Variants in GALNTL6 observed in about 807,000 individuals in gnomAD.
GALNTL6 encodes polypeptide N-acetylgalactosaminyltransferase-like 6.
GALNTL6 carries 46 observed loss-of-function variants against 73.7 expected under a neutral mutation model. The observed-to-expected ratio is 0.62, with a 90% CI of 0.49 to 0.80. The LOEUF (loss-of-function observed/expected upper bound fraction) is 0.80. Among genes scored for constraint, GALNTL6 ranks in the 30% least tolerant of loss-of-function variants. The probability of loss-of-function intolerance (pLI) is 0.00; values close to 1 mark genes in which losing one functional copy is unlikely to be tolerated. For synonymous variants in GALNTL6, 259 were observed against 263.7 expected (o/e 0.98, Z 0.17); for missense variants, 604 against 755.0 (o/e 0.80, Z 2.34).
chr4:172,003,533 C>G (rs887506153), intron 2 of GALNTL6, among the ~76,000 whole-genome samples: 9 of 152,102 alleles, frequency 5.9e-5, no homozygotes, highest in Non-Finnish European at 1.0e-4. Flanking sequence ...TTAATATTCT[C>G]TAAGCTTTAG....
intron 3 of GALNTL6, among the ~76,000 whole-genome samples, chr4:172,243,970 C>G (rs1737538658): frequency 6.6e-6 from 1 of 151,916 alleles, no homozygotes; most frequent in Admixed American, 6.6e-5. Context: ...AGCCTCATGT[C>G]TCTTAAAAAT....
intron 2 of GALNTL6, among the ~76,000 whole-genome samples, chr4:171,974,934 C>G (rs997213953): frequency 6.6e-6 from 1 of 152,142 alleles, no homozygotes; most frequent in Non-Finnish European, 1.5e-5. Flanking sequence ...CACTAATAGT[C>G]TCTCACGGCA....
chr4:171,958,350 C>A (rs1159544442), intron 2 of GALNTL6, among the ~76,000 whole-genome samples: 1 of 152,096 alleles, frequency 6.6e-6, no homozygotes, highest in Non-Finnish European at 1.5e-5. Flanking sequence ...TATATTAAAA[C>A]TATGGAAGAT....
chr4:172,244,219 T>G (rs1452471732), intron 3 of GALNTL6, among the ~76,000 whole-genome samples: 1 of 152,068 alleles, frequency 6.6e-6, no homozygotes, highest in Non-Finnish European at 1.5e-5. Flanking sequence ...AAATGTAAAA[T>G]GGAAATGAAA....
At chr4:171,951,852 T>C (rs1376600156) in intron 2 of GALNTL6, among the ~76,000 whole-genome samples, 1 of 152,064 alleles carries the variant, frequency 6.6e-6, no homozygotes, top group East Asian at 1.9e-4. Context: ...GGGATAAAGC[T>C]ATAGCAATAA....
intron 2 of GALNTL6, among the ~76,000 whole-genome samples, chr4:171,970,833 A>G (rs1177687999): frequency 6.6e-6 from 1 of 152,260 alleles, no homozygotes; most frequent in Non-Finnish European, 1.5e-5. Context: ...AAAAATTTAC[A>G]AAATAACTTA....
At chr4:172,072,547 T>C (rs987793418) in intron 2 of GALNTL6, among the ~76,000 whole-genome samples, 11 of 152,168 alleles carry the variant, frequency 7.2e-5, no homozygotes, top group African/African-American at 2.4e-4. Flanking sequence ...CTCAAACTTC[T>C]AGGATTTCAC....
At chr4:172,408,117 T>G (rs983893587) in intron 5 of GALNTL6, among the ~76,000 whole-genome samples, 3 of 152,070 alleles carry the variant, frequency 2.0e-5, no homozygotes, top group Admixed American at 2.0e-4. Context: ...TCCTTCAGAA[T>G]GTTTCTTGGC....
chr4:172,869,295 A>G (rs555702692), intron 7 of GALNTL6, among the ~76,000 whole-genome samples: 1 of 152,360 alleles, frequency 6.6e-6, no homozygotes, highest in South Asian at 2.1e-4. Context: ...AATTTCTAAA[A>G]TAAACAATAA....
chr4:172,177,291 G>A (rs1271251430), intron 2 of GALNTL6, among the ~76,000 whole-genome samples: 2 of 152,138 alleles, frequency 1.3e-5, no homozygotes, highest in Non-Finnish European at 2.9e-5. Flanking sequence ...TTACTGAGAT[G>A]TGTAGTGACA....
rs372896160 is a variant in GALNTL6, at chr4:172,039,405, T to G, written c.139-190251T>G. Reference sequence around the variant, plus strand: ...AAGTATAATGAGAAAAATAACATTCTTTGATGTCCAGCAGACAAATGGTGA... The same window carrying G: ...AAGTATAATGAGAAAAATAACATTCGTTGATGTCCAGCAGACAAATGGTGA... On this transcript the variant is annotated intron_variant, in intron 2 of 12. Transcript: ENST00000506823. Among the ~76,000 whole-genome samples, 13 of 152,196 alleles carry G rather than the reference T, an allele frequency of 8.5e-5. No homozygotes were observed. The East Asian group carries it at 1.2e-3, about 14-fold the overall frequency.
chr4:172,228,053 A>G (rs575106871), intron 2 of GALNTL6, among the ~76,000 whole-genome samples: 61 of 152,176 alleles, frequency 4.0e-4, no homozygotes, highest in Non-Finnish European at 6.6e-4. Flanking sequence ...CATGGGTTAC[A>G]TATTTCATAT....
rs982283073 is a variant in GALNTL6, at chr4:172,831,713, G to C, written c.923+17990G>C. On this transcript the variant is annotated intron_variant, in intron 7 of 12. Coordinates refer to ENST00000506823, the MANE Select transcript of GALNTL6 (RefSeq NM_001034845.3). ...CAAAATTCATATGTCAAAGCCTAAA[G>C]CCCCAACATGATGGGATTTGGCGTC... Among the ~76,000 whole-genome samples the C allele has an allele frequency of 2.6e-5, 4 of 152,160 alleles. No individual in the cohort carries two copies. The East Asian group carries it at 5.8e-4, about 22-fold the overall frequency.
intron 5 of GALNTL6, among the ~76,000 whole-genome samples, chr4:172,611,069 G>A (rs1038236143): frequency 4.6e-5 from 7 of 151,976 alleles, no homozygotes; most frequent in African/African-American, 1.7e-4. Context: ...TTGAGCCTAT[G>A]GATGTCATTC....
At chr4:172,729,100 C>T (rs1282896299) in intron 5 of GALNTL6, among the ~76,000 whole-genome samples, 1 of 151,888 alleles carries the variant, frequency 6.6e-6, no homozygotes, top group Non-Finnish European at 1.5e-5. Context: ...TGTTCGAGCT[C>T]CTTATATATT....
intron 2 of GALNTL6, among the ~76,000 whole-genome samples, chr4:172,025,540 A>C (rs1741542496): frequency 6.6e-6 from 1 of 152,072 alleles, no homozygotes; most frequent in Non-Finnish European, 1.5e-5. Flanking sequence ...ACACTATTTT[A>C]TCATTTAAAA....
chr4:172,501,360 G>A (rs899396151), intron 5 of GALNTL6, among the ~76,000 whole-genome samples: 1 of 152,050 alleles, frequency 6.6e-6, no homozygotes, highest in Non-Finnish European at 1.5e-5. Flanking sequence ...AAACATAAAG[G>A]ATATTTCTCA....
chr4:172,373,393 A>G (rs1192657290), intron 5 of GALNTL6, among the ~76,000 whole-genome samples: 1 of 151,772 alleles, frequency 6.6e-6, no homozygotes, highest in Non-Finnish European at 1.5e-5. Flanking sequence ...GGTGAGTCTA[A>G]GATCTTGCAC....
intron 2 of GALNTL6, among the ~76,000 whole-genome samples, chr4:172,146,717 G>T (rs1225590369): frequency 6.6e-6 from 1 of 152,112 alleles, no homozygotes; most frequent in Non-Finnish European, 1.5e-5. Context: ...TGTAAGTTCT[G>T]TCAGGGCAGG....
Sources: allele counts gnomAD v4.1 joint callset (sites outside exome capture counted in the v4.1 genomes callset), GRCh38; gene constraint gnomAD v4.1.1; transcripts MANE v1.5; gene names NCBI Gene and HGNC (gene_info 2026-07-23, HGNC 2026-07-21).